Variants in VWA2 observed in about 807,000 individuals in gnomAD.
VWA2 encodes the protein von Willebrand factor A domain-containing protein 2.
A neutral mutation model predicts 70.4 loss-of-function variants in VWA2; 73 were observed. The ratio of observed to expected loss-of-function variants is 1.04; its 90% CI spans 0.86 to 1.26. The LOEUF (loss-of-function observed/expected upper bound fraction) is 1.26. VWA2 is among the 50% of genes most tolerant of loss of function. VWA2 has a pLI of 0.00. For synonymous variants in VWA2, 407 were observed against 423.3 expected (o/e 0.96, Z 0.47); for missense variants, 1,011 against 998.5 (o/e 1.01, Z -0.17).
intron 9 of VWA2, among the ~76,000 whole-genome samples, chr10:114,283,228 G>A (rs1228295908): frequency 1.3e-5 from 2 of 152,094 alleles, no homozygotes; most frequent in Non-Finnish European, 2.9e-5. Flanking sequence ...CCTGTCTCCC[G>A]GAAGCAATGC....
At position 114,291,258 on chromosome 10, in the gene VWA2, G is replaced by A. The variant is rs61869920; in HGVS notation, c.*21G>A. The A allele has an allele frequency of 0.044, 68,165 of 1,549,168 alleles. 1,832 individuals carry two copies. Among genetic ancestry groups the A allele is most frequent in the Non-Finnish European group, 0.051 (57,948 of 1,146,324 alleles). ...CCTGAGGCACATGGCTCCCGTGCAG[G>A]AGGGCAGCAGCCGTACCCCTCCCAG... On this transcript the variant is annotated 3_prime_UTR_variant, in exon 14 of 14. Coordinates refer to ENST00000392982, the MANE Select transcript of VWA2 (RefSeq NM_001272046.2).
chr10:114,261,044 G>A, intron 4 of VWA2, 142 bp from the exon 5 acceptor site: 3 of 614,464 alleles, frequency 4.9e-6, no homozygotes, highest in Non-Finnish European at 8.6e-6. Flanking sequence ...CCTCCTTCTA[G>A]GGAGACTGGA....
intron 1 of VWA2, among the ~76,000 whole-genome samples, chr10:114,242,837 T>C (rs1012923148): frequency 2.0e-5 from 3 of 152,258 alleles, no homozygotes; most frequent in African/African-American, 7.2e-5. Flanking sequence ...TTTAACATCA[T>C]TCATTTAGAA....
chr10:114,250,895 T>C (rs771106169), intron 2 of VWA2, among the ~76,000 whole-genome samples: 2 of 152,182 alleles, frequency 1.3e-5, no homozygotes, highest in African/African-American at 2.4e-5. Context: ...CAGATTGCAA[T>C]CACATGCACT....
chr10:114,291,225 G>C lies in VWA2; in HGVS notation c.2256G>C (p.Leu752Phe). Residue 752 changes from leucine (L) to phenylalanine (F), a missense_variant, in exon 14 of 14, where the codon TTG becomes TTC. Physicochemically the swap from Leu to Phe is conservative, Grantham distance 22. Transcript: ENST00000392982. ...WEGPHCENRF[L>F]RRP ...CTTCACTTCCTTCCCCAGGATTCTT[G>C]AGACGCCCCTGAGGCACATGGCTCC... The C allele has an allele frequency of 6.4e-7, 1 of 1,550,550 alleles. No individual in the cohort carries two copies. Among genetic ancestry groups the C allele is most frequent in the Non-Finnish European group, 8.7e-7 (1 of 1,146,952 alleles).
At chr10:114,290,943 G>A (rs2039532342) in intron 13 of VWA2, among the ~76,000 whole-genome samples, 1 of 152,172 alleles carries the variant, frequency 6.6e-6, no homozygotes, top group African/African-American at 2.4e-5. Flanking sequence ...TCCAACTATG[G>A]CTCCTGTTCA....
intron 4 of VWA2, among the ~76,000 whole-genome samples, chr10:114,256,808 G>A (rs984662196): frequency 6.6e-6 from 1 of 151,510 alleles, no homozygotes; most frequent in South Asian, 2.1e-4. Flanking sequence ...TACTCGGAAG[G>A]CTGAGGCAGG....
rs763169835 is a variant in VWA2 at position 114,282,367 on chromosome 10, A to AG, written c.834-146dup. ...CCTACTCTATGTGCAGAGAAAAGTT[A>AG]GGGTAGAATCAAGAAACAAAACCAG... On this transcript the variant is annotated intron_variant, in intron 8 of 13. Coordinates refer to ENST00000392982, the MANE Select transcript of VWA2 (RefSeq NM_001272046.2). The AG allele has an allele frequency of 1.3e-4, 82 of 653,804 alleles. No individual in the cohort carries two copies. The East Asian group carries it at 2.0e-3, about 16-fold the overall frequency. 40.5% of individuals were successfully genotyped at this position (653,804 alleles called of 1,614,324 possible). A position where few individuals can be genotyped will look rare whatever the true frequency, so the allele number is the denominator to read the frequency against.
intron 5 of VWA2, among the ~76,000 whole-genome samples, chr10:114,268,420 G>A (rs533165988): frequency 6.6e-6 from 1 of 152,100 alleles, no homozygotes; most frequent in Non-Finnish European, 1.5e-5. Flanking sequence ...CCACTCATGA[G>A]TGGCATAACC....
In VWA2 at chr10:114,286,099, A is replaced by G; in HGVS notation, c.1158A>G (p.Thr386=). 1 of 1,614,168 alleles carries G rather than the reference A, an allele frequency of 6.2e-7. No homozygotes were observed. Among genetic ancestry groups the G allele is most frequent in the East Asian group, 2.2e-5 (1 of 44,882 alleles). The change falls in exon 11 of 14, where the codon ACA becomes ACG. Residue 386 remains threonine (T), a synonymous_variant. Coordinates refer to ENST00000392982, the MANE Select transcript of VWA2 (RefSeq NM_001272046.2). Reference sequence around the variant, plus strand: ...CTCGGGCCCGAGTGGGTGTGGCCACATACAGCAGGGAGCTGCTGGTGGCGG... The same window carrying G: ...CTCGGGCCCGAGTGGGTGTGGCCACGTACAGCAGGGAGCTGCTGGTGGCGG... ...EDSRARVGVA[T]YSRELLVAVP...
In VWA2 at chr10:114,291,439, A is replaced by G; in HGVS notation, c.*202A>G. On this transcript the variant is annotated 3_prime_UTR_variant, in exon 14 of 14. Transcript: ENST00000392982. ...ACTGCAGCCATGCTGCTTAGAGACAAGAAAGCAGCTGATGTCACCCACAAA... is the reference window on the plus strand; with the variant it reads ...ACTGCAGCCATGCTGCTTAGAGACAGGAAAGCAGCTGATGTCACCCACAAA... 1.7e-6 allele frequency: 1 copy of G among 603,652 alleles called. No homozygotes were observed. 37.4% of individuals were successfully genotyped at this position (603,652 alleles called of 1,614,324 possible).
Position 114,272,842 on chromosome 10 carries a change from T to G in VWA2, c.474T>G (p.Thr158=). 6.2e-7 allele frequency: 1 copy of G among 1,614,128 alleles called. No individual in the cohort carries two copies. Among genetic ancestry groups the G allele is most frequent in the Non-Finnish European group, 8.5e-7 (1 of 1,180,008 alleles). ...TGCCCCAGATCCTCATCATCGTCAC[T>G]GATGGGAAGTCCCAGGGGGATGTGG... The part of the protein sequence containing the change: ...ASVPQILIIV[T]DGKSQGDVAL... Residue 158 remains threonine (T), a synonymous_variant, in exon 6 of 14, where the codon ACT becomes ACG. Coordinates refer to ENST00000392982, the MANE Select transcript of VWA2 (RefSeq NM_001272046.2).
At chr10:114,264,442 G>T (rs549412733) in intron 5 of VWA2, among the ~76,000 whole-genome samples, 1 of 151,834 alleles carries the variant, frequency 6.6e-6, no homozygotes, top group East Asian at 1.9e-4. Context: ...TTTTGAGATG[G>T]AGTCTTGCTC....
chr10:114,240,602 C>G (rs1223239235), intron 1 of VWA2, among the ~76,000 whole-genome samples: 1 of 152,202 alleles, frequency 6.6e-6, no homozygotes, highest in Non-Finnish European at 1.5e-5. Context: ...TTCAAGGTCT[C>G]TTTTGCTGTT....
At chr10:114,249,759 C>A (rs1437779986) in intron 2 of VWA2, among the ~76,000 whole-genome samples, 1 of 152,186 alleles carries the variant, frequency 6.6e-6, no homozygotes, top group Non-Finnish European at 1.5e-5. Flanking sequence ...TTTGGGTTGA[C>A]TCCATGTCTT....
intron 1 of VWA2, among the ~76,000 whole-genome samples, chr10:114,247,632 G>A (rs2037101557): frequency 6.6e-6 from 1 of 151,576 alleles, no homozygotes; most frequent in Non-Finnish European, 1.5e-5. Context: ...CATGGCATGT[G>A]TGTAAACTTT....
chr10:114,239,888 T>C (rs1365757888), intron 1 of VWA2, among the ~76,000 whole-genome samples: 2 of 152,152 alleles, frequency 1.3e-5, no homozygotes, highest in Non-Finnish European at 2.9e-5. Context: ...GGGTAGGGGC[T>C]CCGGGTACAG....
At position 114,290,234 on chromosome 10, in the gene VWA2, T is replaced by C. The variant is rs540327851; in HGVS notation, c.2123-6T>C. Reference sequence around the variant, plus strand: ...GGCCTGGTGGGTATGGTGTTCTCCATTGTAGAAGCCAAGCAGCCAGTCAAC... The same window carrying C: ...GGCCTGGTGGGTATGGTGTTCTCCACTGTAGAAGCCAAGCAGCCAGTCAAC... On this transcript the variant is annotated splice_polypyrimidine_tract_variant and splice_region_variant and intron_variant, in intron 12 of 13. Transcript: ENST00000392982. 1.5e-4 allele frequency: 239 copies of C among 1,550,250 alleles called. 3 individuals are homozygous for C. In the East Asian group the frequency reaches 5.7e-3, roughly 37 times the overall value.
chr10:114,255,129 C>T (rs1314243975), intron 4 of VWA2, 81 bp downstream of exon 4: 4 of 1,550,696 alleles, frequency 2.6e-6, no homozygotes, highest in Non-Finnish European at 8.8e-7. Context: ...GCAGAGGAGG[C>T]ATCTACTCGC....
Sources: allele counts gnomAD v4.1 joint callset (sites outside exome capture counted in the v4.1 genomes callset), GRCh38; gene constraint gnomAD v4.1.1; transcripts MANE v1.5; gene names NCBI Gene and HGNC (gene_info 2026-07-23, HGNC 2026-07-21).